Variants in ZNF564 observed in about 807,000 individuals in gnomAD.
ZNF564 encodes zinc finger protein 564.
Under a neutral mutation model 10.5 loss-of-function variants are expected in ZNF564, and 5 were observed. That is an observed-to-expected ratio of 0.48 (90% CI 0.25 to 1.00). The LOEUF is 1.00. Among genes scored for constraint, ZNF564 ranks in the 50% least tolerant of loss-of-function variants. The pLI, the probability that ZNF564 is intolerant of heterozygous loss-of-function variation, is 0.16. For synonymous variants in ZNF564, 242 were observed against 218.1 expected, an observed-to-expected ratio of 1.11 and a Z score of -0.97; for missense variants, 603 against 669.7, an observed-to-expected ratio of 0.90 and a Z score of 1.10.
chr19:12,526,475 G>C lies in ZNF564; in HGVS notation c.1633C>G (p.Gln545Glu). Reference sequence around the variant, plus strand: ...TCATTTTCACAGGTATTCGAAGGTTGTGTGATAAATGAAAGCTTTCCCACA... The same window carrying C: ...TCATTTTCACAGGTATTCGAAGGTTCTGTGATAAATGAAAGCTTTCCCACA... The part of the protein sequence containing the change: ...KNVGKLSFIT[Q>E]PSNTCENE The change falls in exon 4 of 4, where the codon CAA becomes GAA. Residue 545 changes from glutamine (Q) to glutamate (E), a missense_variant. Physicochemically the swap from Gln to Glu is conservative, Grantham distance 29. Coordinates refer to ENST00000339282, the MANE Select transcript of ZNF564 (RefSeq NM_144976.4). 6.2e-7 allele frequency: 1 copy of C among 1,604,742 alleles called. No individual in the cohort carries two copies. Among genetic ancestry groups the C allele is most frequent in the South Asian group, 1.1e-5 (1 of 89,568 alleles).
At chr19:12,543,323 A>AAGGGG (rs1395337563) in intron 1 of ZNF564, among the ~76,000 whole-genome samples, 191 of 133,436 alleles carry the variant, frequency 1.4e-3, no homozygotes, top group African/African-American at 4.8e-3. Flanking sequence ...AAAAAGAGAG[A>AAGGGG]AGGGGAGGGG....
chr19:12,528,873 G>A lies in ZNF564; in HGVS notation c.4-177C>T, dbSNP rs144130875. ...GAGGTCAGGAACTTGAGGCCAGCCC[G>A]GTCAACATGGTGAAACCCCATCTCT... is the stretch of plus-strand genomic sequence containing the variant. On this transcript the variant is annotated intron_variant, in intron 1 of 3. Coordinates refer to ENST00000339282, the MANE Select transcript of ZNF564 (RefSeq NM_144976.4). Among the ~76,000 whole-genome samples the A allele has an allele frequency of 6.4e-4, 97 of 152,202 alleles. 1 individual carries two copies. The East Asian group carries it at 0.015, about 23-fold the overall frequency.
At chr19:12,538,186 A>G (rs1408952309) in intron 1 of ZNF564, among the ~76,000 whole-genome samples, 1 of 152,096 alleles carries the variant, frequency 6.6e-6, no homozygotes, top group Non-Finnish European at 1.5e-5. Flanking sequence ...TACAAAATAA[A>G]GTAAAATATA....
chr19:12,546,784 C>T (rs978855406), intron 1 of ZNF564, among the ~76,000 whole-genome samples: 3 of 152,114 alleles, frequency 2.0e-5, no homozygotes, highest in Non-Finnish European at 4.4e-5. Context: ...ACTTCATAAA[C>T]AATTGGCTGG....
At position 12,528,628 on chromosome 19, in the gene ZNF564, G is replaced by A. The variant is rs781758036; in HGVS notation, c.72C>T (p.Ser24=). 6 of 1,614,028 alleles carry A rather than the reference G, an allele frequency of 3.7e-6. No homozygotes were observed. In the South Asian group the frequency reaches 6.6e-5, roughly 18 times the overall value. The change falls in exon 2 of 4, where the codon TCC becomes TCT. Residue 24 remains serine, a synonymous_variant. Transcript: ENST00000339282. ...TCACATCTCTGTAGAGTTTCTTCTGGGAAGGATCCAGCAAAGCCCACTCCT... is the reference window on the plus strand; with the variant it reads ...TCACATCTCTGTAGAGTTTCTTCTGAGAAGGATCCAGCAAAGCCCACTCCT... The part of the protein sequence containing the change: ...TLEEWALLDP[S]QKKLYRDVMR...
chr19:12,543,659 G>C (rs73002312), intron 1 of ZNF564, among the ~76,000 whole-genome samples: 2 of 130,626 alleles, frequency 1.5e-5, no homozygotes, highest in Non-Finnish European at 3.2e-5. Flanking sequence ...GGGCAACAAA[G>C]CGAGACTTCG....
At chr19:12,545,497 G>T (rs2022134646) in intron 1 of ZNF564, among the ~76,000 whole-genome samples, 1 of 152,042 alleles carries the variant, frequency 6.6e-6, no homozygotes, top group Non-Finnish European at 1.5e-5. Flanking sequence ...ACACCACTCA[G>T]AATTAGGACA....
intron 1 of ZNF564, among the ~76,000 whole-genome samples, chr19:12,540,905 G>C (rs181823001): frequency 2.4e-4 from 36 of 150,822 alleles, no homozygotes; most frequent in Admixed American, 7.3e-4. Context: ...CCAGCTACTC[G>C]AGAGGCTGAG....
chr19:12,534,603 C>G (rs1426354240), intron 1 of ZNF564, among the ~76,000 whole-genome samples: 1 of 152,168 alleles, frequency 6.6e-6, no homozygotes, highest in East Asian at 1.9e-4. Flanking sequence ...CACCTGAGGT[C>G]AGGAGTTCAA....
At chr19:12,542,014 C>CAAAAAA (rs74180077) in intron 1 of ZNF564, among the ~76,000 whole-genome samples, 4 of 56,240 alleles carry the variant, frequency 7.1e-5, no homozygotes, top group Non-Finnish European at 9.0e-5. Flanking sequence ...AGACTCTGTC[C>CAAAAAA]AAAAAAAAAA....
chr19:12,544,011 G>A lies in ZNF564; in HGVS notation c.3+7319C>T, dbSNP rs562317720. Reference sequence around the variant, plus strand: ...AAAACCACAAAGCAGGCCCTTACCAGACACTACATCTGCCAGCACTTGAAC... The same window carrying A: ...AAAACCACAAAGCAGGCCCTTACCAAACACTACATCTGCCAGCACTTGAAC... On this transcript the variant is annotated intron_variant, in intron 1 of 3. Coordinates refer to ENST00000339282, the MANE Select transcript of ZNF564 (RefSeq NM_144976.4). Among the ~76,000 whole-genome samples the A allele has an allele frequency of 1.6e-3, 246 of 152,182 alleles. 6 individuals are homozygous for A. The South Asian group carries it at 0.049, about 30-fold the overall frequency.
At chr19:12,548,757 CTAATATT>C (rs1307134187) in intron 1 of ZNF564, 5 of 699,700 alleles carry the variant, frequency 7.1e-6, no homozygotes, top group Middle Eastern at 2.4e-4. Context: ...ATTTAATTCA[CTAATATT>C]TAATATTTCA....
intron 1 of ZNF564, among the ~76,000 whole-genome samples, chr19:12,529,210 C>A (rs967750706): frequency 6.6e-6 from 1 of 152,178 alleles, no homozygotes; most frequent in Non-Finnish European, 1.5e-5. Context: ...TGAAAACATG[C>A]AACTGATCTC....
chr19:12,527,534 T>G lies in ZNF564; in HGVS notation c.574A>C (p.Thr192Pro). The change falls in exon 4 of 4, where the codon ACT becomes CCT. Residue 192 changes from threonine (T) to proline (P), a missense_variant. Coordinates refer to ENST00000339282, the MANE Select transcript of ZNF564 (RefSeq NM_144976.4). Reference protein sequence around the residue: ...PSVRRHMIKHTGDGPYKCQEC... With the variant: ...PSVRRHMIKHPGDGPYKCQEC... ...TGACATTTATATGGTCCATCTCCAGTGTGCTTAATCATGTGTCTTCGAACA... is the reference window on the plus strand; with the variant it reads ...TGACATTTATATGGTCCATCTCCAGGGTGCTTAATCATGTGTCTTCGAACA... 1.2e-6 allele frequency: 2 copies of G among 1,614,064 alleles called. No individual in the cohort carries two copies. Among genetic ancestry groups the G allele is most frequent in the East Asian group, 2.2e-5 (1 of 44,870 alleles).
chr19:12,543,613 G>C lies in ZNF564; in HGVS notation c.3+7717C>G, dbSNP rs575032600. Among the ~76,000 whole-genome samples the C allele has an allele frequency of 1.1e-3, 158 of 146,790 alleles. 1 individual carries two copies. Among genetic ancestry groups the C allele is most frequent in the African/African-American group, 3.6e-3 (145 of 39,876 alleles). On this transcript the variant is annotated intron_variant, in intron 1 of 3. Transcript: ENST00000339282. The stretch of plus-strand genomic sequence containing the variant: ...CACTTGAACCCGGGAGGTGGAGGTT[G>C]TGGTGAGCCAAGATCACGTCACTGC...
chr19:12,536,859 A>C (rs1192268331), intron 1 of ZNF564, among the ~76,000 whole-genome samples: 1 of 152,190 alleles, frequency 6.6e-6, no homozygotes, highest in African/African-American at 2.4e-5. Context: ...AATGAACCTG[A>C]AAACTCCTAA....
intron 1 of ZNF564, chr19:12,548,757 C>T (rs1173993962): frequency 1.4e-6 from 1 of 699,700 alleles, no homozygotes; most frequent in Non-Finnish European, 2.6e-6. Flanking sequence ...ATTTAATTCA[C>T]TAATATTTAA....
At position 12,526,467 on chromosome 19, in the gene ZNF564, C is replaced by T. The variant is rs753673731; in HGVS notation, c.1641G>A (p.Ser547=). The T allele has an allele frequency of 2.1e-5, 33 of 1,598,666 alleles. No homozygotes were observed. The highest frequency in any genetic ancestry group is 2.7e-5 in the Non-Finnish European group (32 of 1,173,614). Residue 547 remains serine (S), a synonymous_variant, in exon 4 of 4, where the codon TCG becomes TCA. Transcript: ENST00000339282. The part of the protein sequence containing the change: ...VGKLSFITQP[S]NTCENE Reference sequence around the variant, plus strand: ...TCCACTATTCATTTTCACAGGTATTCGAAGGTTGTGTGATAAATGAAAGCT... The same window carrying T: ...TCCACTATTCATTTTCACAGGTATTTGAAGGTTGTGTGATAAATGAAAGCT...
rs181197745 is a variant in ZNF564, at chr19:12,530,561, T to A, written c.4-1865A>T. ...TTGAGGAACAGGTTAAGAGTTGCAA[T>A]TTCTGAGGGATTTCATTCAAGTCCA... On this transcript the variant is annotated intron_variant, in intron 1 of 3. Transcript: ENST00000339282. Among the ~76,000 whole-genome samples the A allele has an allele frequency of 1.6e-4, 25 of 152,298 alleles. No homozygotes were observed. The East Asian group carries it at 4.6e-3, about 28-fold the overall frequency.
Sources: allele counts gnomAD v4.1 joint callset (sites outside exome capture counted in the v4.1 genomes callset), GRCh38; gene constraint gnomAD v4.1.1; transcripts MANE v1.5; gene names NCBI Gene and HGNC (gene_info 2026-07-23, HGNC 2026-07-21).